Variants in ARHGAP22 observed in about 807,000 individuals in gnomAD.
The protein encoded by ARHGAP22 is rho GTPase-activating protein 22.
In ARHGAP22, 48 loss-of-function variants were observed where a neutral mutation model predicts 59.1. That is an observed-to-expected ratio of 0.81 (90% CI 0.64 to 1.03). The LOEUF (loss-of-function observed/expected upper bound fraction) is 1.03. Ranked by LOEUF, ARHGAP22 falls within the 50% of genes least tolerant of loss-of-function variation. The pLI, the probability that ARHGAP22 is intolerant of heterozygous loss-of-function variation, is 0.00. For synonymous variants in ARHGAP22, 445 were observed against 416.4 expected (o/e 1.07, Z -0.84); for missense variants, 1,015 against 958.7 (o/e 1.06, Z -0.78).
chr10:48,637,856 C>T (rs369959267), intron 1 of ARHGAP22, among the ~76,000 whole-genome samples: 12 of 152,216 alleles, frequency 7.9e-5, no homozygotes, highest in Admixed American at 7.2e-4. Flanking sequence ...CCATCCTCCT[C>T]GCTGCTAAAG....
intron 1 of ARHGAP22, among the ~76,000 whole-genome samples, chr10:48,640,048 G>T (rs58638938): frequency 0.11 from 16,604 of 152,186 alleles, 2,934 homozygotes; most frequent in African/African-American, 0.37. Context: ...AAATGGAAAT[G>T]CTTGAGTTGA....
At chr10:48,458,649 C>T (rs1589478363) in intron 5 of ARHGAP22, among the ~76,000 whole-genome samples, 1 of 152,152 alleles carries the variant, frequency 6.6e-6, no homozygotes, top group Non-Finnish European at 1.5e-5. Context: ...CAGGCCTTAC[C>T]CAGGTGACAT....
intron 3 of ARHGAP22, among the ~76,000 whole-genome samples, chr10:48,546,954 G>T (rs987451896): frequency 6.6e-6 from 1 of 152,188 alleles, no homozygotes; most frequent in African/African-American, 2.4e-5. Flanking sequence ...CAGTTTATGG[G>T]ACATTGAGGC....
intron 1 of ARHGAP22, among the ~76,000 whole-genome samples, chr10:48,611,211 G>A (rs765534945): frequency 2.0e-5 from 3 of 152,168 alleles, no homozygotes; most frequent in African/African-American, 4.8e-5. Flanking sequence ...GTGAGTGCTG[G>A]GTTCTCACAG....
the ARHGAP22 span, chr10:48,431,040 C>T: frequency 1.5e-6 from 1 of 651,636 alleles, no homozygotes. Flanking sequence ...AATTAACATC[C>T]TTGAATCTTA....
intron 9 of ARHGAP22, 92 bp from the exon 10 acceptor site, chr10:48,446,711 G>A: frequency 7.7e-7 from 1 of 1,301,828 alleles, no homozygotes; most frequent in Non-Finnish European, 1.1e-6. Flanking sequence ...TGTGGGTTGA[G>A]GGGTCAGGCC....
At chr10:48,538,682 G>C (rs2055610067) in intron 3 of ARHGAP22, among the ~76,000 whole-genome samples, 1 of 152,172 alleles carries the variant, frequency 6.6e-6, no homozygotes, top group Non-Finnish European at 1.5e-5. Context: ...CACTACAGTA[G>C]GCGTTTGGAT....
chr10:48,450,824 C>A lies in ARHGAP22; in HGVS notation c.1305G>T (p.Pro435=). 6.3e-7 allele frequency: 1 copy of A among 1,586,454 alleles called. No individual in the cohort carries two copies. ...CCTTCGGGCTTCCCGATAGGGACCT[C>A]GGCTGCCGGAAGGAGGACTTCCAAC... ...LPSWKSSFRQ[P]RSLSGSPKGG... is the part of the protein sequence containing the mutation. Residue 435 remains proline, a synonymous_variant, in exon 9 of 10, where the codon CCG becomes CCT. Coordinates refer to ENST00000249601, the MANE Select transcript of ARHGAP22 (RefSeq NM_021226.4).
intron 1 of ARHGAP22, among the ~76,000 whole-genome samples, chr10:48,643,322 T>A (rs1281081367): frequency 6.6e-6 from 1 of 152,160 alleles, no homozygotes; most frequent in Admixed American, 6.5e-5. Context: ...ATTGCGGCAC[T>A]ATTCACAATA....
intron 1 of ARHGAP22, among the ~76,000 whole-genome samples, chr10:48,594,240 G>T (rs2059934120): frequency 6.6e-6 from 1 of 152,222 alleles, no homozygotes; most frequent in Non-Finnish European, 1.5e-5. Context: ...CAGGATGCTG[G>T]TGGAAGCCTG....
At chr10:48,629,678 T>G (rs1407045493) in intron 1 of ARHGAP22, among the ~76,000 whole-genome samples, 1 of 152,246 alleles carries the variant, frequency 6.6e-6, no homozygotes, top group Non-Finnish European at 1.5e-5. Context: ...TTGGTTATTC[T>G]AGATGTTTTG....
chr10:48,633,555 T>G (rs1269660898), intron 1 of ARHGAP22, among the ~76,000 whole-genome samples: 1 of 152,250 alleles, frequency 6.6e-6, no homozygotes, highest in Non-Finnish European at 1.5e-5. Context: ...AGATATGGCC[T>G]ATTGTGGTCT....
At chr10:48,567,553 G>A (rs1025822557) in intron 2 of ARHGAP22, among the ~76,000 whole-genome samples, 6 of 152,166 alleles carry the variant, frequency 3.9e-5, no homozygotes, top group Admixed American at 2.6e-4. Flanking sequence ...CAAGGTGCAC[G>A]TGATTTTACA....
chr10:48,555,475 C>T lies in ARHGAP22; in HGVS notation c.310G>A (p.Glu104Lys), dbSNP rs1201904923. ...GPEDPGKHLF[E>K]ISPGGAGERE... Reference sequence around the variant, plus strand: ...TGCTCAGGCCTACCTGGGCTGATCTCAAAGAGGTGCTTCCCTGGGTCCTCG... The same window carrying T: ...TGCTCAGGCCTACCTGGGCTGATCTTAAAGAGGTGCTTCCCTGGGTCCTCG... Residue 104 changes from glutamate (E) to lysine (K), a missense_variant, in exon 3 of 10, where the codon GAG becomes AAG. Transcript: ENST00000249601. 2 of 1,614,082 alleles carry T rather than the reference C, an allele frequency of 1.2e-6. No individual in the cohort carries two copies. Among genetic ancestry groups the T allele is most frequent in the Non-Finnish European group, 1.7e-6 (2 of 1,179,992 alleles).
the ARHGAP22 span, chr10:48,429,848 A>G: frequency 6.6e-6 from 1 of 152,186 alleles, no homozygotes; most frequent in Admixed American, 6.5e-5. Flanking sequence ...TCAGAATTTT[A>G]TTCTTCAGGA....
At chr10:48,462,525 G>A (rs1390114755) in intron 4 of ARHGAP22, among the ~76,000 whole-genome samples, 1 of 152,222 alleles carries the variant, frequency 6.6e-6, no homozygotes, top group East Asian at 1.9e-4. Context: ...AACCCAGGCA[G>A]TCTGGCTCCA....
chr10:48,593,619 C>G (rs1358245705), intron 1 of ARHGAP22, among the ~76,000 whole-genome samples: 3 of 152,202 alleles, frequency 2.0e-5, no homozygotes, highest in Non-Finnish European at 2.9e-5. Flanking sequence ...GTAGCTTAGA[C>G]AGTGTGAAGA....
rs897014991 is a variant in ARHGAP22, at chr10:48,453,510, C to T, written c.867-85G>A. 2.2e-5 allele frequency: 35 copies of T among 1,565,396 alleles called. No homozygotes were observed. In the South Asian group the frequency reaches 3.8e-4, roughly 17 times the overall value. ...GTGCGGCCTGGACGCACCGCCACACCCCTGCTGAGCCCTGCTGCCTGTGGG... is the reference window on the plus strand; with the variant it reads ...GTGCGGCCTGGACGCACCGCCACACTCCTGCTGAGCCCTGCTGCCTGTGGG... On this transcript the variant is annotated intron_variant, in intron 7 of 9. Coordinates refer to ENST00000249601, the MANE Select transcript of ARHGAP22 (RefSeq NM_021226.4).
chr10:48,511,903 G>A (rs2052807190), intron 3 of ARHGAP22, among the ~76,000 whole-genome samples: 2 of 152,218 alleles, frequency 1.3e-5, no homozygotes, highest in South Asian at 4.1e-4. Flanking sequence ...ACTGTGACAG[G>A]CTGAAGAACA....
Sources: gnomAD v4.1 joint callset for allele counts (sites outside exome capture counted in the v4.1 genomes callset) on GRCh38, gnomAD v4.1.1 for gene constraint, MANE v1.5 for transcripts, NCBI Gene and HGNC (gene_info 2026-07-23, HGNC 2026-07-21) for gene names.